The following GAK variants were observed in gnomAD, a reference collection of about 807,000 sequenced individuals.
GAK encodes cyclin G associated kinase.
Under a neutral mutation model 143.9 loss-of-function variants are expected in GAK, and 79 were observed. The ratio of observed to expected loss-of-function variants is 0.55; its 90% CI spans 0.46 to 0.66. GAK has a LOEUF of 0.66. Ranked by LOEUF, GAK falls within the 30% of genes least tolerant of loss-of-function variation. GAK has a pLI of 0.00. For synonymous variants in GAK, 881 were observed against 765.5 expected (o/e 1.15, Z -2.49); for missense variants, 1,693 against 1,779.7 (o/e 0.95, Z 0.88).
In GAK at chr4:856,954, G is replaced by A. The variant is rs1259766963; in HGVS notation, c.3283+2652C>T. Among the ~76,000 whole-genome samples the A allele has an allele frequency of 2.6e-5, 4 of 152,198 alleles. No homozygotes were observed. In the East Asian group the frequency reaches 7.7e-4, roughly 29 times the overall value. On this transcript the variant is annotated intron_variant, in intron 24 of 27. Transcript: ENST00000314167. ...ACTGGCTGACAGTGCTGCCATAAAA[G>A]GTGCTGACTTTCTGAATTTTGTTAA...
chr4:876,704 G>A (rs1208059406), intron 17 of GAK, 95 bp from the exon 18 acceptor site: 15 of 1,076,186 alleles, frequency 1.4e-5, no homozygotes, highest in South Asian at 7.7e-5. Flanking sequence ...ATCTGAGAGC[G>A]GCTCATGGTG....
intron 23 of GAK, among the ~76,000 whole-genome samples, chr4:864,505 C>G (rs1560298366): frequency 6.6e-6 from 1 of 152,208 alleles, no homozygotes. Flanking sequence ...TGAGGCCGGC[C>G]CAAGACGCAG....
At chr4:871,819 T>C (rs140919231) in intron 18 of GAK, among the ~76,000 whole-genome samples, 15 of 152,262 alleles carry the variant, frequency 9.9e-5, no homozygotes, top group African/African-American at 3.6e-4. Flanking sequence ...TTCCAGGCTA[T>C]TTCACACATT....
chr4:904,802 T>TGGAGGCAGGAGAACAGGGTCC (rs1720768220), intron 4 of GAK, 23 bp from the exon 5 acceptor site: 1 of 1,611,264 alleles, frequency 6.2e-7, no homozygotes, highest in Non-Finnish European at 8.5e-7. Context: ...GAAACTCACA[T>TGGAGGCAGGAGAACAGGGTCC]GGAGGCAGGA....
chr4:893,730 C>A (rs1009184385), intron 8 of GAK, 144 bp downstream of exon 8: 5 of 1,048,906 alleles, frequency 4.8e-6, no homozygotes, highest in Middle Eastern at 4.8e-4. Flanking sequence ...TGGAAACCCC[C>A]CCCCCAGGGA....
At chr4:892,791 G>C (rs1717928399) in intron 9 of GAK, among the ~76,000 whole-genome samples, 1 of 152,228 alleles carries the variant, frequency 6.6e-6, no homozygotes, top group East Asian at 1.9e-4. Context: ...CAAAGACACA[G>C]GAGCAATTCA....
intron 1 of GAK, among the ~76,000 whole-genome samples, chr4:920,539 A>ATTTTTTTTTTTTT (rs34176109): frequency 0.012 from 1,530 of 129,318 alleles, 54 homozygotes; most frequent in East Asian, 0.028. Context: ...GTTTAGAGCC[A>ATTTTTTTTTTTTT]TTTTTTTTTT....
intron 4 of GAK, among the ~76,000 whole-genome samples, chr4:908,151 G>C (rs1382620156): frequency 1.3e-5 from 2 of 152,194 alleles, no homozygotes; most frequent in African/African-American, 2.4e-5. Context: ...AAACGAGGGA[G>C]ATAATCAGCA....
At chr4:869,492 C>CACACAGT (rs1711946080) in intron 19 of GAK, 4 of 148,684 alleles carry the variant, frequency 2.7e-5, no homozygotes, top group African/African-American at 5.0e-5. Flanking sequence ...CAGGAATGCA[C>CACACAGT]ACACACAGAT....
At chr4:871,151 G>T (rs559791521) in intron 18 of GAK, among the ~76,000 whole-genome samples, 1 of 152,356 alleles carries the variant, frequency 6.6e-6, no homozygotes, top group South Asian at 2.1e-4. Flanking sequence ...CATTTCACTC[G>T]CTCCTCGGAC....
At chr4:864,948 G>T (rs532543636) in intron 23 of GAK, among the ~76,000 whole-genome samples, 174 bp downstream of exon 23, 36 of 152,360 alleles carry the variant, frequency 2.4e-4, no homozygotes, top group South Asian at 2.3e-3. Flanking sequence ...GGGTGAGTGA[G>T]GCCGCTGCAG....
At chr4:893,665 T>C (rs1311185449) in intron 8 of GAK, among the ~76,000 whole-genome samples, 176 bp from the exon 9 acceptor site, 1 of 151,892 alleles carries the variant, frequency 6.6e-6, no homozygotes, top group African/African-American at 2.4e-5. Flanking sequence ...TGATCAAAAA[T>C]CACCACTCAG....
intron 9 of GAK, among the ~76,000 whole-genome samples, chr4:891,203 C>T (rs1050570310): frequency 7.2e-5 from 11 of 152,068 alleles, no homozygotes; most frequent in African/African-American, 2.2e-4. Context: ...TGAGGCAATT[C>T]GCCTGCCTCG....
intron 3 of GAK, 100 bp downstream of exon 3, chr4:912,635 C>T (rs1298606987): frequency 2.6e-5 from 23 of 877,190 alleles, no homozygotes; most frequent in South Asian, 1.5e-4. Context: ...TGAAAGACAA[C>T]GTCACGGAGC....
intron 11 of GAK, chr4:887,424 T>C (rs1233881283): frequency 1.4e-5 from 2 of 138,422 alleles, no homozygotes; most frequent in Admixed American, 1.4e-4. Flanking sequence ...GCGGCTCACA[T>C]GCACTCACAG....
chr4:929,929 ATATT>A (rs1725402691), intron 1 of GAK, among the ~76,000 whole-genome samples: 1 of 152,234 alleles, frequency 6.6e-6, no homozygotes, highest in African/African-American at 2.4e-5. Context: ...CACAGTGAGA[ATATT>A]TATTCATTTA....
At chr4:909,485 C>T (rs980862155) in intron 4 of GAK, among the ~76,000 whole-genome samples, 2 of 151,930 alleles carry the variant, frequency 1.3e-5, no homozygotes, top group Non-Finnish European at 2.9e-5. Context: ...GGAGACAGCC[C>T]AGCACGGACT....
chr4:915,194 G>A (rs1421077325), intron 1 of GAK, among the ~76,000 whole-genome samples: 4 of 137,728 alleles, frequency 2.9e-5, no homozygotes, highest in South Asian at 2.3e-4. Flanking sequence ...CAGCATACAC[G>A]GCCCCGTGCA....
chr4:888,854 C>A lies in GAK; in HGVS notation c.1198G>T (p.Val400Phe). ...CTGGAGCCTCACACTCACTTAGCGA[C>A]GGACTGGATGACCTTGGAGGAGGTG... ...KDTSSKVIQSVANYAKGDLDI... is the reference protein window; with the variant it reads ...KDTSSKVIQSFANYAKGDLDI... The change falls in exon 11 of 28, where the codon GTC becomes TTC. Residue 400 changes from valine (V) to phenylalanine (F), a missense_variant. Around this residue, in one of 2 missense-constraint regions of GAK, gnomAD observed 871 missense variants for 991.0 expected, o/e 0.88. Coordinates refer to ENST00000314167, the MANE Select transcript of GAK (RefSeq NM_005255.4). 6.2e-7 allele frequency: 1 copy of A among 1,605,202 alleles called. No individual in the cohort carries two copies. Among genetic ancestry groups the A allele is most frequent in the Non-Finnish European group, 8.5e-7 (1 of 1,176,892 alleles).
Sources: allele counts gnomAD v4.1 joint callset (sites outside exome capture counted in the v4.1 genomes callset), GRCh38; gene constraint gnomAD v4.1.1; regional missense constraint gnomAD v4.1.1; transcripts MANE v1.5; gene names NCBI Gene and HGNC (gene_info 2026-07-23, HGNC 2026-07-21).